CLSTN2: variants seen among roughly 807,000 people sequenced by gnomAD.
CLSTN2 encodes the protein calsyntenin-2.
In CLSTN2, 48 loss-of-function variants were observed where a neutral mutation model predicts 101.2. That is an observed-to-expected ratio of 0.47 (90% CI 0.38 to 0.60). CLSTN2 has a LOEUF of 0.60. Among genes scored for constraint, CLSTN2 ranks in the 20% least tolerant of loss-of-function variants. The probability of loss-of-function intolerance (pLI) is 0.00; values close to 1 mark genes in which losing one functional copy is unlikely to be tolerated. For synonymous variants in CLSTN2, 481 were observed against 463.6 expected, an observed-to-expected ratio of 1.04 and a Z score of -0.48; for missense variants, 1,160 against 1,238.2, an observed-to-expected ratio of 0.94 and a Z score of 0.95.
At chr3:140,070,305 T>C (rs2008369642) in intron 1 of CLSTN2, among the ~76,000 whole-genome samples, 1 of 152,214 alleles carries the variant, frequency 6.6e-6, no homozygotes, top group African/African-American at 2.4e-5. Flanking sequence ...AAATGTTGCA[T>C]ACAATTTCAG....
At chr3:140,180,220 G>A (rs990964625) in intron 2 of CLSTN2, among the ~76,000 whole-genome samples, 1 of 152,220 alleles carries the variant, frequency 6.6e-6, no homozygotes, top group African/African-American at 2.4e-5. Context: ...CTAACTCAGA[G>A]ACGCTAAGCA....
At chr3:140,431,915 A>G (rs966613185) in intron 5 of CLSTN2, among the ~76,000 whole-genome samples, 3 of 152,230 alleles carry the variant, frequency 2.0e-5, no homozygotes, top group African/African-American at 7.2e-5. Flanking sequence ...ACCAAAAGAG[A>G]TTCCAGCATA....
chr3:140,162,647 CT>C (rs1279659080), intron 1 of CLSTN2, among the ~76,000 whole-genome samples: 2 of 152,124 alleles, frequency 1.3e-5, no homozygotes, highest in Non-Finnish European at 2.9e-5. Context: ...GGCCTTTTTG[CT>C]TGTCTTCTAC....
chr3:140,082,111 G>T (rs1353183558), intron 1 of CLSTN2, among the ~76,000 whole-genome samples: 1 of 152,258 alleles, frequency 6.6e-6, no homozygotes, highest in East Asian at 1.9e-4. Context: ...GACTCACAGC[G>T]GGTGGATGCC....
intron 8 of CLSTN2, among the ~76,000 whole-genome samples, chr3:140,523,654 C>T (rs1269171547): frequency 1.3e-5 from 2 of 152,176 alleles, no homozygotes; most frequent in Non-Finnish European, 2.9e-5. Flanking sequence ...ACATGTGAGG[C>T]TCCCAAGGAT....
chr3:140,412,060 G>T (rs185627607), intron 4 of CLSTN2, among the ~76,000 whole-genome samples: 97 of 152,338 alleles, frequency 6.4e-4, no homozygotes, highest in African/African-American at 2.3e-3. Flanking sequence ...TGTTGTCCAT[G>T]CTGGAGTTGC....
At chr3:139,971,495 G>A (rs533047177) in intron 1 of CLSTN2, among the ~76,000 whole-genome samples, 1 of 152,322 alleles carries the variant, frequency 6.6e-6, no homozygotes, top group Admixed American at 6.5e-5. Flanking sequence ...TGTCTGCAAG[G>A]GAAAAGCTGT....
chr3:140,221,480 C>T (rs73226989), intron 2 of CLSTN2, among the ~76,000 whole-genome samples: 49,907 of 151,758 alleles, frequency 0.33, 8,557 homozygotes, highest in Middle Eastern at 0.39. Context: ...GAAATGTAGA[C>T]CAGGAATAGC....
chr3:140,563,316 A>G (rs566419262), intron 15 of CLSTN2, 113 bp downstream of exon 15: 213 of 1,226,384 alleles, frequency 1.7e-4, no homozygotes, highest in Admixed American at 1.3e-4. Flanking sequence ...GAACTGAGGG[A>G]GGGAACCCAG....
At chr3:140,321,553 T>C (rs1311942817) in intron 2 of CLSTN2, among the ~76,000 whole-genome samples, 1 of 152,124 alleles carries the variant, frequency 6.6e-6, no homozygotes, top group Non-Finnish European at 1.5e-5. Context: ...TCCAAGCTAA[T>C]AATGTAACAC....
intron 2 of CLSTN2, among the ~76,000 whole-genome samples, chr3:140,244,016 G>C (rs1361630033): frequency 6.6e-6 from 1 of 152,174 alleles, no homozygotes; most frequent in Non-Finnish European, 1.5e-5. Flanking sequence ...TCCCTCTCCT[G>C]TCAGGAGTTG....
intron 2 of CLSTN2, among the ~76,000 whole-genome samples, chr3:140,186,469 T>C (rs1294941017): frequency 2.6e-5 from 4 of 152,142 alleles, no homozygotes; most frequent in Non-Finnish European, 5.9e-5. Context: ...AGAACAAGAG[T>C]GCAACCAGAT....
chr3:140,440,535 T>C (rs748897413), intron 5 of CLSTN2, among the ~76,000 whole-genome samples: 4 of 152,214 alleles, frequency 2.6e-5, no homozygotes, highest in Non-Finnish European at 2.9e-5. Flanking sequence ...TGTGTGTGCC[T>C]ATGATGTGTC....
chr3:140,497,264 C>T (rs1265311839), intron 8 of CLSTN2, among the ~76,000 whole-genome samples: 1 of 152,112 alleles, frequency 6.6e-6, no homozygotes, highest in Non-Finnish European at 1.5e-5. Flanking sequence ...CCCTTCCCAT[C>T]AGGGGCTCCA....
At chr3:140,233,674 G>A (rs2086390950) in intron 2 of CLSTN2, among the ~76,000 whole-genome samples, 1 of 152,192 alleles carries the variant, frequency 6.6e-6, no homozygotes, top group African/African-American at 2.4e-5. Context: ...TCTTGACTCT[G>A]TTAAAGCTTG....
intron 2 of CLSTN2, among the ~76,000 whole-genome samples, chr3:140,184,125 CTT>C (rs2010451435): frequency 6.6e-6 from 1 of 152,130 alleles, no homozygotes; most frequent in African/African-American, 2.4e-5. Flanking sequence ...TGTATGGTGA[CTT>C]TGGCTGGGAT....
At chr3:140,305,698 G>A (rs1225019831) in intron 2 of CLSTN2, among the ~76,000 whole-genome samples, 1 of 152,082 alleles carries the variant, frequency 6.6e-6, no homozygotes, top group African/African-American at 2.4e-5. Context: ...AGAGCAATGT[G>A]CAGCCATGGA....
rs916552323 is a variant in CLSTN2, at chr3:139,994,037, G to A, written c.109+58554G>A. Among the ~76,000 whole-genome samples the A allele has an allele frequency of 3.3e-5, 5 of 152,260 alleles. No individual in the cohort carries two copies. In the East Asian group the frequency reaches 5.8e-4, roughly 18 times the overall value. On this transcript the variant is annotated intron_variant, in intron 1 of 16. Transcript: ENST00000458420. ...GTGATGGGATCTTCACAGAGACTTA[G>A]GGAAGGTCTCCCAGTGGAGCGCTGA...
At chr3:140,418,169 A>G (rs1286302697) in intron 4 of CLSTN2, among the ~76,000 whole-genome samples, 5 of 152,050 alleles carry the variant, frequency 3.3e-5, no homozygotes, top group African/African-American at 1.2e-4. Flanking sequence ...GTGAAAATAT[A>G]CTTCTCATGG....
Sources: allele counts gnomAD v4.1 joint callset (sites outside exome capture counted in the v4.1 genomes callset), GRCh38; gene constraint gnomAD v4.1.1; transcripts MANE v1.5; gene names NCBI Gene and HGNC (gene_info 2026-07-23, HGNC 2026-07-21).